AFAP1L1: variants seen among roughly 807,000 people sequenced by gnomAD.
AFAP1L1 encodes actin filament-associated protein 1-like 1.
In AFAP1L1, 77 loss-of-function variants were observed where a neutral mutation model predicts 99.8. That is an observed-to-expected ratio of 0.77 (90% CI 0.64 to 0.93). The LOEUF is 0.93. AFAP1L1 is among the 40% of genes least tolerant of loss of function. AFAP1L1 has a pLI of 0.00. For missense variants in AFAP1L1, 893 were observed against 996.8 expected, an observed-to-expected ratio of 0.90 and a Z score of 1.40; for synonymous variants, 373 against 395.3, an observed-to-expected ratio of 0.94 and a Z score of 0.67.
chr5:149,298,395 G>A (rs1234526417), intron 1 of AFAP1L1, among the ~76,000 whole-genome samples: 1 of 152,156 alleles, frequency 6.6e-6, no homozygotes, highest in Non-Finnish European at 1.5e-5. Context: ...TATCTCTGTG[G>A]TTAAAAGAAG....
rs372090261 is a variant in AFAP1L1, at chr5:149,329,819, G to A, written c.1964G>A (p.Arg655Gln). The A allele has an allele frequency of 1.4e-5, 23 of 1,610,318 alleles. No individual in the cohort carries two copies. Among genetic ancestry groups the A allele is most frequent in the Admixed American group, 3.4e-5 (2 of 59,366 alleles). Residue 655 changes from arginine (R) to glutamine (Q), a missense_variant, in exon 16 of 19, where the codon CGG becomes CAG. Arg to Gln is a conservative substitution (Grantham distance 43). Transcript: ENST00000296721. Reference protein sequence around the residue: ...QEKRELKEAIRSSPGAKLKAL... With the variant: ...QEKRELKEAIQSSPGAKLKAL... Reference sequence around the variant, plus strand: ...AAGAGGGAACTGAAGGAAGCCATTCGGAGCAGCCCAGGTACCTATGTGGGT... The same window carrying A: ...AAGAGGGAACTGAAGGAAGCCATTCAGAGCAGCCCAGGTACCTATGTGGGT...
chr5:149,336,514 T>TA (rs1757412160), intron 18 of AFAP1L1, among the ~76,000 whole-genome samples: 1 of 152,214 alleles, frequency 6.6e-6, no homozygotes, highest in Non-Finnish European at 1.5e-5. Flanking sequence ...CAGAATGTAT[T>TA]TCTTAAGAGT....
chr5:149,298,114 A>G (rs1756073461), intron 1 of AFAP1L1, among the ~76,000 whole-genome samples: 1 of 152,302 alleles, frequency 6.6e-6, no homozygotes, highest in African/African-American at 2.4e-5. Flanking sequence ...CTCTTCTGCA[A>G]GGTGCTGTAT....
chr5:149,337,505 A>C (rs1757438344), intron 18 of AFAP1L1, among the ~76,000 whole-genome samples: 1 of 152,354 alleles, frequency 6.6e-6, no homozygotes, highest in Non-Finnish European at 1.5e-5. Context: ...CACCTGCTAA[A>C]TGCTTGACAC....
rs779094956 is a variant in AFAP1L1, at chr5:149,302,478, G to A, written c.388G>A (p.Ala130Thr). The A allele has an allele frequency of 3.0e-5, 48 of 1,596,912 alleles. No individual in the cohort carries two copies. Among genetic ancestry groups the A allele is most frequent in the Non-Finnish European group, 4.0e-5 (47 of 1,172,014 alleles). ...KPPPEDYYEE[A>T]LPLGPGKSPE... ...TCCCCCTGAGGACTACTATGAAGAGGCCCTTCCTCTGGGACCCGGCAAGTC... is the reference window on the plus strand; with the variant it reads ...TCCCCCTGAGGACTACTATGAAGAGACCCTTCCTCTGGGACCCGGCAAGTC... Residue 130 changes from alanine (A) to threonine (T), a missense_variant, in exon 5 of 19, where the codon GCC becomes ACC. Coordinates refer to ENST00000296721, the MANE Select transcript of AFAP1L1 (RefSeq NM_152406.4).
intron 18 of AFAP1L1, among the ~76,000 whole-genome samples, chr5:149,338,666 A>G (rs1332725859): frequency 6.6e-6 from 1 of 152,208 alleles, no homozygotes; most frequent in Non-Finnish European, 1.5e-5. Context: ...CTGGTCTCAT[A>G]GAGTTGGGAA....
At chr5:149,293,601 C>T (rs1462714953) in intron 1 of AFAP1L1, among the ~76,000 whole-genome samples, 2 of 152,174 alleles carry the variant, frequency 1.3e-5, no homozygotes, top group South Asian at 2.1e-4. Flanking sequence ...GAAACACAGA[C>T]CCTGTCCTCC....
chr5:149,301,412 C>T (rs1440855507), intron 4 of AFAP1L1, among the ~76,000 whole-genome samples, 182 bp downstream of exon 4: 1 of 152,158 alleles, frequency 6.6e-6, no homozygotes, highest in Admixed American at 6.5e-5. Context: ...GATGTGCTCG[C>T]TGTGTGTTTT....
intron 14 of AFAP1L1, among the ~76,000 whole-genome samples, chr5:149,321,226 T>C (rs541535882): frequency 6.6e-6 from 1 of 152,176 alleles, no homozygotes; most frequent in Non-Finnish European, 1.5e-5. Context: ...GTTCATATGG[T>C]CTTTCTTCAG....
intron 1 of AFAP1L1, among the ~76,000 whole-genome samples, chr5:149,283,195 G>C (rs1344562885): frequency 1.3e-5 from 2 of 152,226 alleles, no homozygotes; most frequent in African/African-American, 2.4e-5. Context: ...ACATGTCATT[G>C]ACGTGGTTAC....
Position 149,320,171 on chromosome 5 carries a change from A to G in AFAP1L1, c.1626-220A>G, listed in dbSNP as rs1756911334. 6.6e-6 allele frequency among the ~76,000 whole-genome samples: 1 copy of G among 152,180 alleles called. No individual in the cohort carries two copies. The highest frequency in any genetic ancestry group is 6.5e-5 in the Admixed American group (1 of 15,286). ...TCTGACTCATAGAATGGTGGTGATG[A>G]ATTACCTGCCTTGCAGGTTGTTATG... On this transcript the variant is annotated intron_variant, in intron 13 of 18. Transcript: ENST00000296721. The surrounding 1 kb of genome is among the most constrained non-coding windows in gnomAD (Gnocchi z 4.0).
chr5:149,331,956 C>A (rs940970269), intron 16 of AFAP1L1, among the ~76,000 whole-genome samples: 1 of 152,192 alleles, frequency 6.6e-6, no homozygotes, highest in African/African-American at 2.4e-5. Flanking sequence ...CACCGCAGAG[C>A]CCTCTGGATT....
At chr5:149,294,604 A>G (rs75213080) in intron 1 of AFAP1L1, among the ~76,000 whole-genome samples, 1 of 151,702 alleles carries the variant, frequency 6.6e-6, no homozygotes, top group Non-Finnish European at 1.5e-5. Context: ...TCAGTGGTCT[A>G]TTTTTTTTCT....
chr5:149,272,458 G>A (rs549356039), intron 1 of AFAP1L1, among the ~76,000 whole-genome samples: 1 of 152,060 alleles, frequency 6.6e-6, no homozygotes, highest in South Asian at 2.1e-4. Flanking sequence ...GCGTGTGCAT[G>A]CATGTGTGCG....
At position 149,325,305 on chromosome 5, in the gene AFAP1L1, C is replaced by T. The variant is rs553682817; in HGVS notation, c.1810+2588C>T. ...AATCTTCACTCCAGGCATGTCTGGA[C>T]AAGAAAACAGGGCTCCTTCTTCCCC... On this transcript the variant is annotated intron_variant, in intron 15 of 18. Transcript: ENST00000296721. Among the ~76,000 whole-genome samples the T allele has an allele frequency of 2.0e-5, 3 of 152,308 alleles. No homozygotes were observed. In the East Asian group the frequency reaches 5.8e-4, roughly 29 times the overall value.
chr5:149,297,216 A>C (rs1446669941), intron 1 of AFAP1L1, among the ~76,000 whole-genome samples: 1 of 152,216 alleles, frequency 6.6e-6, no homozygotes. Flanking sequence ...TAAAGAGGGA[A>C]ACATATTCAT....
chr5:149,323,729 C>A (rs186273549), intron 15 of AFAP1L1, among the ~76,000 whole-genome samples: 1 of 152,194 alleles, frequency 6.6e-6, no homozygotes, highest in Non-Finnish European at 1.5e-5. Flanking sequence ...TGGGAAAAGT[C>A]CTTTCCCCTC....
chr5:149,290,913 G>A (rs1448517875), intron 1 of AFAP1L1, among the ~76,000 whole-genome samples: 1 of 152,358 alleles, frequency 6.6e-6, no homozygotes, highest in African/African-American at 2.4e-5. Context: ...GCCAAAGCTG[G>A]CAATGTTCGT....
chr5:149,331,639 T>G (rs527479470), intron 16 of AFAP1L1, among the ~76,000 whole-genome samples: 4 of 150,170 alleles, frequency 2.7e-5, no homozygotes, highest in African/African-American at 9.7e-5. Context: ...AAAAAAAAAT[T>G]GAATAAGCAG....
Sources: gnomAD v4.1 joint callset for allele counts (sites outside exome capture counted in the v4.1 genomes callset) on GRCh38, gnomAD v4.1.1 for gene constraint, Gnocchi (gnomAD v3.1) non-coding constraint, MANE v1.5 for transcripts, NCBI Gene and HGNC (gene_info 2026-07-23, HGNC 2026-07-21) for gene names.